Variants in OCA2 observed in about 807,000 individuals in gnomAD.
OCA2 encodes the protein OCA2 melanosomal transmembrane protein, also known as P protein.
In OCA2, 77 loss-of-function variants were observed where a neutral mutation model predicts 100.2. The observed-to-expected ratio is 0.77, with a 90% confidence interval of 0.64 to 0.93. The LOEUF is 0.93. Ranked by LOEUF, OCA2 falls within the 40% of genes least tolerant of loss-of-function variation. OCA2 has a pLI of 0.00. For missense variants in OCA2, 1,062 were observed against 1,089.1 expected (o/e 0.98, Z 0.35); for synonymous variants, 432 against 439.2 (o/e 0.98, Z 0.21).
At chr15:27,927,314 T>A (rs1259081975) in intron 18 of OCA2, among the ~76,000 whole-genome samples, 1 of 152,130 alleles carries the variant, frequency 6.6e-6, no homozygotes, top group African/African-American at 2.4e-5. Flanking sequence ...GATCCTTCGC[T>A]GTTGGTGTGT....
intron 2 of OCA2, among the ~76,000 whole-genome samples, chr15:28,049,694 A>G (rs149854865): frequency 7.2e-4 from 110 of 152,348 alleles, no homozygotes; most frequent in African/African-American, 2.4e-3. Flanking sequence ...TGCTGAATGA[A>G]TAAGCCAGGA....
intron 9 of OCA2, among the ~76,000 whole-genome samples, chr15:28,012,895 T>G (rs2042282356): frequency 6.6e-6 from 1 of 152,194 alleles, no homozygotes; most frequent in Non-Finnish European, 1.5e-5. Context: ...AGAGGGAAAC[T>G]AAATAAATTC....
chr15:27,840,695 C>T (rs544639454), intron 23 of OCA2, among the ~76,000 whole-genome samples: 1 of 152,266 alleles, frequency 6.6e-6, no homozygotes, highest in Admixed American at 6.5e-5. Flanking sequence ...TGCTAGAGTG[C>T]AGTGATATCC....
chr15:27,984,823 C>T (rs986437846), intron 13 of OCA2, among the ~76,000 whole-genome samples: 1 of 152,190 alleles, frequency 6.6e-6, no homozygotes, highest in African/African-American at 2.4e-5. Context: ...GAAAGCAAGG[C>T]CTATGTCTTC....
intron 15 of OCA2, among the ~76,000 whole-genome samples, chr15:27,961,650 G>C (rs1396140800): frequency 2.0e-5 from 3 of 152,124 alleles, no homozygotes; most frequent in Non-Finnish European, 4.4e-5. Flanking sequence ...CCTTTGCAGG[G>C]ACATGGATTA....
intron 2 of OCA2, among the ~76,000 whole-genome samples, chr15:28,056,965 C>T (rs2043721387): frequency 6.6e-6 from 1 of 152,248 alleles, no homozygotes; most frequent in African/African-American, 2.4e-5. Flanking sequence ...AGTCGGTGCA[C>T]CCTCTCAGGC....
chr15:27,745,584 C>T, the OCA2 span, among the ~76,000 whole-genome samples: 2 of 152,284 alleles, frequency 1.3e-5, no homozygotes, highest in East Asian at 3.9e-4. Flanking sequence ...GGTTTGAACA[C>T]GTCTGACACT....
At chr15:27,864,092 C>T (rs1274716920) in intron 21 of OCA2, among the ~76,000 whole-genome samples, 2 of 152,132 alleles carry the variant, frequency 1.3e-5, no homozygotes, top group African/African-American at 2.4e-5. Flanking sequence ...TGCTCCCCAA[C>T]CACCCAGAGG....
At chr15:28,087,493 C>T (rs1337790212) in intron 1 of OCA2, among the ~76,000 whole-genome samples, 2 of 152,196 alleles carry the variant, frequency 1.3e-5, no homozygotes, top group Admixed American at 1.3e-4. Context: ...CGCCTATAAT[C>T]CTGGCACTCT....
chr15:27,857,318 A>C (rs1041983559), intron 21 of OCA2, among the ~76,000 whole-genome samples: 3 of 152,236 alleles, frequency 2.0e-5, no homozygotes, highest in Admixed American at 6.5e-5. Context: ...ACTTGAAGAT[A>C]CGACGTTTGA....
intron 23 of OCA2, among the ~76,000 whole-genome samples, chr15:27,829,372 C>T (rs1402937024): frequency 6.6e-6 from 1 of 152,098 alleles, no homozygotes; most frequent in Non-Finnish European, 1.5e-5. Flanking sequence ...AGAGCATACA[C>T]CTAAGGACCT....
intron 2 of OCA2, among the ~76,000 whole-genome samples, chr15:28,080,053 T>C (rs2044570179): frequency 6.6e-6 from 1 of 152,244 alleles, no homozygotes; most frequent in South Asian, 2.1e-4. Flanking sequence ...CTTGTCTCAC[T>C]GGAAGCTGAA....
At chr15:28,074,366 C>T (rs2044359534) in intron 2 of OCA2, among the ~76,000 whole-genome samples, 2 of 151,174 alleles carry the variant, frequency 1.3e-5, no homozygotes, top group East Asian at 2.0e-4. Context: ...AGTGAAACCC[C>T]GTCTCTACTA....
At chr15:27,926,544 C>A (rs1595661752) in intron 18 of OCA2, among the ~76,000 whole-genome samples, 1 of 152,194 alleles carries the variant, frequency 6.6e-6, no homozygotes, top group South Asian at 2.1e-4. Flanking sequence ...CCATTCATCT[C>A]TTTTCTTTCA....
At chr15:27,751,655 C>T (rs2030068865), downstream of OCA2, among the ~76,000 whole-genome samples, 2 of 152,218 alleles carry the variant, frequency 1.3e-5, no homozygotes, top group Admixed American at 1.3e-4. Flanking sequence ...GGCTGCCCTG[C>T]CACTTGGGCC....
intron 19 of OCA2, among the ~76,000 whole-genome samples, chr15:27,889,548 C>T (rs1189459561): frequency 1.3e-5 from 2 of 152,198 alleles, no homozygotes; most frequent in Non-Finnish European, 2.9e-5. Flanking sequence ...GCACCTCAGC[C>T]CTCCTTTCTC....
intron 14 of OCA2, among the ~76,000 whole-genome samples, chr15:27,974,967 G>A (rs551958186): frequency 2.0e-5 from 3 of 152,266 alleles, no homozygotes; most frequent in South Asian, 2.1e-4. Context: ...TCCTACCATC[G>A]TATTTAAAAC....
At chr15:28,060,559 G>A (rs189197441) in intron 2 of OCA2, among the ~76,000 whole-genome samples, 7 of 152,318 alleles carry the variant, frequency 4.6e-5, no homozygotes, top group South Asian at 2.1e-4. Flanking sequence ...CAGAAAGGAC[G>A]TGTAGACATT....
chr15:27,935,663 T>C (rs2039425508), intron 18 of OCA2, among the ~76,000 whole-genome samples: 1 of 152,240 alleles, frequency 6.6e-6, no homozygotes, highest in Non-Finnish European at 1.5e-5. Context: ...GCTGCCACGT[T>C]ATATTCCTCT....
Sources: gnomAD v4.1 joint callset for allele counts (sites outside exome capture counted in the v4.1 genomes callset) on GRCh38, gnomAD v4.1.1 for gene constraint, MANE v1.5 for transcripts, NCBI Gene and HGNC (gene_info 2026-07-23, HGNC 2026-07-21) for gene names.